Variants in PCDHGB4 observed in about 807,000 individuals in gnomAD.
PCDHGB4 encodes protocadherin gamma-B4.
In PCDHGB4, 38 loss-of-function variants were observed where a neutral mutation model predicts 60.5. That is an observed-to-expected ratio of 0.63 (90% CI 0.48 to 0.82). The LOEUF is 0.82. Among genes scored for constraint, PCDHGB4 ranks in the 40% least tolerant of loss-of-function variants. The pLI is 0.00. For missense variants in PCDHGB4, 1,109 were observed against 1,209.6 expected (o/e 0.92, Z 1.23); for synonymous variants, 456 against 509.7 (o/e 0.89, Z 1.42).
rs750200042 is a variant in PCDHGB4, at chr5:141,418,821, C to A, written c.2397+28540C>A. On this transcript the variant is annotated intron_variant, in intron 1 of 3. Coordinates refer to ENST00000519479, the MANE Select transcript of PCDHGB4 (RefSeq NM_003736.4). ...GAAAGATATACGATAAACATAGAAG[C>A]AAAAGACCGAGGATCTCTCTCAACA... 8.1e-6 allele frequency: 13 copies of A among 1,613,846 alleles called. 1 individual carries two copies. The highest frequency in any genetic ancestry group is 1.6e-4 in the Middle Eastern group (1 of 6,062).
At chr5:141,413,202 G>T (rs768256888) in intron 1 of PCDHGB4, 19 of 1,612,062 alleles carry the variant, frequency 1.2e-5, no homozygotes, top group Non-Finnish European at 1.6e-5. Flanking sequence ...ATCGCTCAAA[G>T]GAATCAAAGG....
intron 1 of PCDHGB4, chr5:141,424,569 C>A (rs1436039976): frequency 6.6e-6 from 1 of 151,996 alleles, no homozygotes; most frequent in African/African-American, 2.4e-5. Flanking sequence ...TCTCAAAAAC[C>A]TATTTTCAAA....
chr5:141,492,224 T>C (rs2099738444), intron 1 of PCDHGB4, among the ~76,000 whole-genome samples: 1 of 152,134 alleles, frequency 6.6e-6, no homozygotes, highest in South Asian at 2.1e-4. Flanking sequence ...CTCATGCGTG[T>C]CCTCCCTGCT....
chr5:141,438,074 T>C (rs963146682), intron 1 of PCDHGB4, among the ~76,000 whole-genome samples: 10 of 152,116 alleles, frequency 6.6e-5, no homozygotes, highest in African/African-American at 2.4e-4. Flanking sequence ...CCATACTTAA[T>C]GGAAAATTAC....
In PCDHGB4 at chr5:141,476,584, C is replaced by G. The variant is rs140544807; in HGVS notation, c.2398-18223C>G. ...TGGCTCCGGGGACGCGCTTTCCGCTCGAGAGCGCGCACGATCCCGATGTGG... is the reference window on the plus strand; with the variant it reads ...TGGCTCCGGGGACGCGCTTTCCGCTGGAGAGCGCGCACGATCCCGATGTGG... On this transcript the variant is annotated intron_variant, in intron 1 of 3. Coordinates refer to ENST00000519479, the MANE Select transcript of PCDHGB4 (RefSeq NM_003736.4). This position sits in a 1 kb window ranked among gnomAD's most constrained non-coding sequence, Gnocchi z 7.6. 1.2e-5 allele frequency: 19 copies of G among 1,614,100 alleles called. No homozygotes were observed. The African/African-American group carries it at 2.3e-4, about 19-fold the overall frequency.
intron 1 of PCDHGB4, among the ~76,000 whole-genome samples, chr5:141,459,619 A>G (rs995987344): frequency 6.6e-6 from 1 of 152,238 alleles, no homozygotes; most frequent in Non-Finnish European, 1.5e-5. Context: ...TTAACTTTAT[A>G]AGAAGCTGCC....
At chr5:141,467,055 C>CTTTTTTTTTTT (rs1193465269) in intron 1 of PCDHGB4, among the ~76,000 whole-genome samples, 1 of 134,498 alleles carries the variant, frequency 7.4e-6, no homozygotes, top group Non-Finnish European at 1.6e-5. Context: ...TCAATGTTTT[C>CTTTTTTTTTTT]TTTTTTTTTT....
chr5:141,441,835 G>A (rs1423189098), intron 1 of PCDHGB4: 9 of 353,636 alleles, frequency 2.5e-5, no homozygotes, highest in Admixed American at 2.1e-4. Flanking sequence ...CAATGGCTTC[G>A]CGCTCTTGGA....
Position 141,486,407 on chromosome 5 carries a change from C to T in PCDHGB4, c.2398-8400C>T. The T allele has an allele frequency of 6.2e-7, 1 of 1,614,134 alleles. No individual in the cohort carries two copies. Among genetic ancestry groups the T allele is most frequent in the African/African-American group, 1.3e-5 (1 of 75,046 alleles). ...CCAGTTCTCCCTGGTGACTGCTGGA[C>T]CCTTGGATCGAGAGGCCAAATCTAG... On this transcript the variant is annotated intron_variant, in intron 1 of 3. Coordinates refer to ENST00000519479, the MANE Select transcript of PCDHGB4 (RefSeq NM_003736.4). This position sits in a 1 kb window ranked among gnomAD's most constrained non-coding sequence, Gnocchi z 5.0.
At chr5:141,467,597 A>T (rs2099147099) in intron 1 of PCDHGB4, among the ~76,000 whole-genome samples, 1 of 152,136 alleles carries the variant, frequency 6.6e-6, no homozygotes, top group Non-Finnish European at 1.5e-5. Flanking sequence ...TTTATTAAGC[A>T]CTTCATCTTT....
At chr5:141,418,603 G>A (rs769167342) in intron 1 of PCDHGB4, 7 of 1,613,902 alleles carry the variant, frequency 4.3e-6, no homozygotes, top group East Asian at 4.5e-5. Context: ...ACGTGTACAG[G>A]GTTAGCCTTC....
At chr5:141,439,996 G>C (rs1156373511) in intron 1 of PCDHGB4, 1 of 153,262 alleles carries the variant, frequency 6.5e-6, no homozygotes, top group African/African-American at 2.4e-5. Flanking sequence ...GTTTGGTGGT[G>C]GGAAACCTTG....
At chr5:141,492,705 C>T (rs2099743225) in intron 1 of PCDHGB4, among the ~76,000 whole-genome samples, 1 of 152,258 alleles carries the variant, frequency 6.6e-6, no homozygotes, top group South Asian at 2.1e-4. Flanking sequence ...ACCCAGAAGC[C>T]TCGAGCAGGC....
Position 141,476,290 on chromosome 5 carries a change from C to G in PCDHGB4, c.2398-18517C>G, listed in dbSNP as rs768208156. The stretch of plus-strand genomic sequence containing the variant: ...TGGTCGCGAACCTTGGTTTGGATCT[C>G]GGTAGCCTCTCAGCCCGCAGGTTCC... On this transcript the variant is annotated intron_variant, in intron 1 of 3. Coordinates refer to ENST00000519479, the MANE Select transcript of PCDHGB4 (RefSeq NM_003736.4). The surrounding 1 kb of genome is among the most constrained non-coding windows in gnomAD (Gnocchi z 7.6). 1 of 1,614,050 alleles carries G rather than the reference C, an allele frequency of 6.2e-7. No homozygotes were observed. The highest frequency in any genetic ancestry group is 1.7e-5 in the Admixed American group (1 of 60,012).
intron 1 of PCDHGB4, chr5:141,441,162 G>T (rs1009205566): frequency 6.6e-6 from 1 of 152,166 alleles, no homozygotes; most frequent in African/African-American, 2.4e-5. Context: ...TCCTAGAGGC[G>T]ATTTTTACTT....
At chr5:141,421,455 C>T (rs762490406) in intron 1 of PCDHGB4, 7 of 1,614,108 alleles carry the variant, frequency 4.3e-6, no homozygotes, top group Non-Finnish European at 4.2e-6. Flanking sequence ...CACAGCTTTT[C>T]GCTGTGAATC....
rs375127524 is a variant in PCDHGB4 at position 141,490,702 on chromosome 5, C to T, written c.2398-4105C>T. ...AGATCCAGACACTGGGGATAATGCC[C>T]GCCTCACCTACTCCATTGTAGGAAA... On this transcript the variant is annotated intron_variant, in intron 1 of 3. Coordinates refer to ENST00000519479, the MANE Select transcript of PCDHGB4 (RefSeq NM_003736.4). The surrounding 1 kb of genome is among the most constrained non-coding windows in gnomAD (Gnocchi z 5.4). 36 of 1,614,060 alleles carry T rather than the reference C, an allele frequency of 2.2e-5. No homozygotes were observed. Among genetic ancestry groups the T allele is most frequent in the South Asian group, 7.7e-5 (7 of 91,090 alleles).
intron 1 of PCDHGB4, among the ~76,000 whole-genome samples, chr5:141,425,919 G>C (rs11167745): frequency 0.3 from 45,848 of 152,124 alleles, 8,179 homozygotes; most frequent in African/African-American, 0.5. Context: ...CAGTCACTAC[G>C]AAAACTCATA....
At chr5:141,407,314 T>G (rs2094914230) in intron 1 of PCDHGB4, among the ~76,000 whole-genome samples, 1 of 152,212 alleles carries the variant, frequency 6.6e-6, no homozygotes, top group Non-Finnish European at 1.5e-5. Flanking sequence ...CCTTCATACT[T>G]AGTATTTATA....
Sources: allele counts gnomAD v4.1 joint callset (sites outside exome capture counted in the v4.1 genomes callset), GRCh38; gene constraint gnomAD v4.1.1; non-coding constraint Gnocchi (gnomAD v3.1); transcripts MANE v1.5; gene names NCBI Gene and HGNC (gene_info 2026-07-23, HGNC 2026-07-21).